PRRC2C: variants seen among roughly 807,000 people sequenced by gnomAD.
The protein encoded by PRRC2C is proline rich coiled-coil 2C, also known as protein PRRC2C.
In PRRC2C, 72 loss-of-function variants were observed where a neutral mutation model predicts 317.2. The ratio of observed to expected loss-of-function variants is 0.23; its 90% CI spans 0.19 to 0.28. PRRC2C has a LOEUF of 0.28. PRRC2C is among the 10% of genes least tolerant of loss of function. The probability of loss-of-function intolerance (pLI) is 1.00; values close to 1 mark genes in which losing one functional copy is unlikely to be tolerated. For synonymous variants in PRRC2C, 1,296 were observed against 1,205.9 expected, an observed-to-expected ratio of 1.07 and a Z score of -1.55; for missense variants, 3,074 against 3,459.7, an observed-to-expected ratio of 0.89 and a Z score of 2.80.
chr1:171,552,114 TG>T (rs1680366228), intron 18 of PRRC2C, among the ~76,000 whole-genome samples: 2 of 152,238 alleles, frequency 1.3e-5, no homozygotes, highest in South Asian at 4.1e-4. Flanking sequence ...TTCTTCCATT[TG>T]TTTGTGTTCT....
At chr1:171,561,603 T>C (rs984228272) in intron 20 of PRRC2C, among the ~76,000 whole-genome samples, 1 of 152,246 alleles carries the variant, frequency 6.6e-6, no homozygotes, top group African/African-American at 2.4e-5. Flanking sequence ...ATACTCTTGC[T>C]GCTACATCTT....
At chr1:171,485,847 G>C (rs900084299) in intron 1 of PRRC2C, 112 bp downstream of exon 1, 9 of 152,264 alleles carry the variant, frequency 5.9e-5, no homozygotes, top group African/African-American at 1.9e-4. Flanking sequence ...CGGAGGCTAG[G>C]GGGCCGCGTG....
chr1:171,531,629 G>A (rs1294030478), intron 11 of PRRC2C, among the ~76,000 whole-genome samples: 3 of 151,858 alleles, frequency 2.0e-5, no homozygotes, highest in Non-Finnish European at 2.9e-5. Flanking sequence ...TACTTTTATT[G>A]TTTTTGCATA....
intron 11 of PRRC2C, among the ~76,000 whole-genome samples, chr1:171,530,693 G>T (rs1364566470): frequency 6.6e-6 from 1 of 152,078 alleles, no homozygotes. Context: ...AGTTATTAGG[G>T]AAATACAAGT....
intron 16 of PRRC2C, among the ~76,000 whole-genome samples, chr1:171,542,968 G>C (rs982926568): frequency 6.7e-6 from 1 of 149,820 alleles, no homozygotes; most frequent in African/African-American, 2.4e-5. Context: ...CACTGTGTTA[G>C]CCAGGATGGT....
At position 171,527,027 on chromosome 1, in the gene PRRC2C, C is replaced by G. The variant is rs1018546258; in HGVS notation, c.1201-764C>G. On this transcript the variant is annotated intron_variant, in intron 10 of 34. Coordinates refer to ENST00000647382, the MANE Select transcript of PRRC2C (RefSeq NM_001387844.1). ...TTCGCCATGTTCGCCAGGCTGGTCT[C>G]TAACTCCTGACCTTGTGATCCGCCT... Among the ~76,000 whole-genome samples the G allele has an allele frequency of 4.3e-4, 65 of 150,408 alleles. 1 individual carries two copies. The highest frequency in any genetic ancestry group is 6.6e-5 in the Admixed American group (1 of 15,080).
At chr1:171,491,156 T>A (rs1003650833) in intron 1 of PRRC2C, among the ~76,000 whole-genome samples, 6 of 152,124 alleles carry the variant, frequency 3.9e-5, no homozygotes, top group African/African-American at 1.2e-4. Flanking sequence ...CCCTATAAGG[T>A]TGGAAGATCC....
intron 23 of PRRC2C, among the ~76,000 whole-genome samples, chr1:171,569,575 A>AATATATATATATATAT (rs60832207): frequency 0.13 from 7,571 of 59,546 alleles, 1,145 homozygotes; most frequent in African/African-American, 0.15. Flanking sequence ...AAGTGGTTTA[A>AATATATATATATATAT]ATATATATAT....
rs1572018162 is a variant in PRRC2C at position 171,561,020 on chromosome 1, G to A, written c.6034G>A (p.Gly2012Ser). ...TTTTTATGGCTTCTTCTTTCCAGTA[G>A]GTCCCATTAGTCCACCACAGCCACC... ...AVLNDISKKL[G>S]PISPPQPPSV... The change falls in exon 20 of 35, where the codon GGT becomes AGT. Residue 2012 changes from glycine to serine, a missense_variant and splice_region_variant. By Grantham distance (56) the Gly-to-Ser change is moderately conservative. Coordinates refer to ENST00000647382, the MANE Select transcript of PRRC2C (RefSeq NM_001387844.1). 1 of 1,587,604 alleles carries A rather than the reference G, an allele frequency of 6.3e-7. No individual in the cohort carries two copies. Among genetic ancestry groups the A allele is most frequent in the Non-Finnish European group, 8.7e-7 (1 of 1,156,046 alleles).
At chr1:171,539,830 A>G in intron 15 of PRRC2C, 141 bp from the exon 16 acceptor site, 1 of 791,322 alleles carries the variant, frequency 1.3e-6, no homozygotes, top group East Asian at 2.6e-5. Context: ...ATTCTCCTCT[A>G]AACTTTTTAT....
intron 12 of PRRC2C, among the ~76,000 whole-genome samples, chr1:171,534,608 A>G (rs1467665851): frequency 6.7e-6 from 1 of 149,608 alleles, no homozygotes; most frequent in Non-Finnish European, 1.5e-5. Flanking sequence ...ATTATTTTCC[A>G]TTCTTTTTTT....
chr1:171,541,457 G>A lies in PRRC2C; in HGVS notation c.3991G>A (p.Ala1331Thr). ...EKPYVRDDDK[A>T]KPGFLPKGEP... ...GCCTTATGTAAGGGATGACGATAAA[G>A]CTAAACCAGGCTTTCTTCCTAAAGG... Residue 1331 changes from alanine (A) to threonine (T), a missense_variant, in exon 16 of 35, where the codon GCT (alanine) becomes ACT (threonine). Coordinates refer to ENST00000647382, the MANE Select transcript of PRRC2C (RefSeq NM_001387844.1). This position sits in a 1 kb window ranked among gnomAD's most constrained non-coding sequence, Gnocchi z 4.1. 1.2e-6 allele frequency: 2 copies of A among 1,613,846 alleles called. No individual in the cohort carries two copies. The highest frequency in any genetic ancestry group is 4.5e-5 in the East Asian group (2 of 44,874).
intron 12 of PRRC2C, among the ~76,000 whole-genome samples, chr1:171,534,371 T>G (rs1676426979): frequency 6.6e-6 from 1 of 152,140 alleles, no homozygotes; most frequent in African/African-American, 2.4e-5. Context: ...GTTTAATAAG[T>G]TTTATTTGTG....
In PRRC2C at chr1:171,584,192, G is replaced by A. The variant is rs373477010; in HGVS notation, c.7641+5G>A. On this transcript the variant is annotated splice_donor_5th_base_variant and intron_variant, in intron 29 of 34. Coordinates refer to ENST00000647382, the MANE Select transcript of PRRC2C (RefSeq NM_001387844.1). Reference sequence around the variant, plus strand: ...ATTGACACACATCTTCTCCAGGTAAGTCAGGGGACTAGAGCAATGCACCCT... The same window carrying A: ...ATTGACACACATCTTCTCCAGGTAAATCAGGGGACTAGAGCAATGCACCCT... The A allele has an allele frequency of 6.2e-7, 1 of 1,603,574 alleles. No individual in the cohort carries two copies. Among genetic ancestry groups the A allele is most frequent in the East Asian group, 2.2e-5 (1 of 44,832 alleles).
At chr1:171,544,362 G>C (rs1271451443) in intron 16 of PRRC2C, among the ~76,000 whole-genome samples, 2 of 152,136 alleles carry the variant, frequency 1.3e-5, no homozygotes, top group Non-Finnish European at 2.9e-5. Context: ...GACCTCAGGT[G>C]ATCTGCCCAC....
chr1:171,578,485 A>G (rs902887581), intron 26 of PRRC2C, among the ~76,000 whole-genome samples: 1 of 152,070 alleles, frequency 6.6e-6, no homozygotes, highest in Admixed American at 6.5e-5. Flanking sequence ...CCCAGGTGAT[A>G]ATCATGCCAC....
chr1:171,497,687 T>G (rs1250607049), intron 1 of PRRC2C, among the ~76,000 whole-genome samples: 4 of 152,302 alleles, frequency 2.6e-5, no homozygotes, highest in African/African-American at 9.6e-5. Context: ...CAGATTGGTC[T>G]TGAACTCCTG....
At chr1:171,566,141 C>T (rs1683613716) in intron 20 of PRRC2C, 92 bp from the exon 21 acceptor site, 2 of 1,005,896 alleles carry the variant, frequency 2.0e-6, no homozygotes, top group African/African-American at 1.6e-5. Context: ...TTGTCTTAAA[C>T]CTTCTATTGT....
In PRRC2C at chr1:171,586,137, A is replaced by G. The variant is rs192016733; in HGVS notation, c.7750-866A>G. On this transcript the variant is annotated intron_variant, in intron 30 of 34. Transcript: ENST00000647382. Reference sequence around the variant, plus strand: ...GAGTGCAGTGGCATGATCTTGGCTCACTGCAACCTCCACCTCCCAGGTTCA... The same window carrying G: ...GAGTGCAGTGGCATGATCTTGGCTCGCTGCAACCTCCACCTCCCAGGTTCA... Among the ~76,000 whole-genome samples the G allele has an allele frequency of 7.1e-5, 9 of 127,276 alleles. No homozygotes were observed. The East Asian group carries it at 2.0e-3, about 28-fold the overall frequency. 83.5% of individuals were successfully genotyped at this position (127,276 alleles called of 152,430 possible). A position where few individuals can be genotyped will look rare whatever the true frequency, so the allele number is the denominator to read the frequency against.
Sources: allele counts gnomAD v4.1 joint callset (sites outside exome capture counted in the v4.1 genomes callset), GRCh38; gene constraint gnomAD v4.1.1; non-coding constraint Gnocchi (gnomAD v3.1); transcripts MANE v1.5; gene names NCBI Gene and HGNC (gene_info 2026-07-23, HGNC 2026-07-21).